Variants in KHDRBS2 observed in about 807,000 individuals in gnomAD.
KHDRBS2 encodes KH domain-containing, RNA-binding, signal transduction-associated protein 2.
A neutral mutation model predicts 44.3 loss-of-function variants in KHDRBS2; 26 were observed. That is an observed-to-expected ratio of 0.59 (90% CI 0.43 to 0.81). The LOEUF (loss-of-function observed/expected upper bound fraction) is 0.81, where lower values mean the gene tolerates loss of function less well. Among genes scored for constraint, KHDRBS2 ranks in the 40% least tolerant of loss-of-function variants. KHDRBS2 has a pLI of 0.00. For missense variants in KHDRBS2, 476 were observed against 433.1 expected, an observed-to-expected ratio of 1.10 and a Z score of -0.88; for synonymous variants, 194 against 151.1, an observed-to-expected ratio of 1.28 and a Z score of -2.08.
chr6:61,648,443 T>A, the KHDRBS2 span, among the ~76,000 whole-genome samples: 1 of 152,154 alleles, frequency 6.6e-6, no homozygotes, highest in African/African-American at 2.4e-5. Context: ...CACTACATTA[T>A]CATCATGAGC....
chr6:61,791,132 C>A (rs1263892028), intron 6 of KHDRBS2, among the ~76,000 whole-genome samples: 2 of 151,086 alleles, frequency 1.3e-5, no homozygotes, highest in African/African-American at 4.8e-5. Context: ...TGAGTTTTCC[C>A]TTTTTTTATT....
chr6:61,672,186 T>G, the KHDRBS2 span, among the ~76,000 whole-genome samples: 218 of 149,724 alleles, frequency 1.5e-3, no homozygotes, highest in Middle Eastern at 6.8e-3. Context: ...CATCATTTTT[T>G]ATGGCTGCAT....
chr6:62,277,508 A>T (rs1270995812), intron 1 of KHDRBS2, among the ~76,000 whole-genome samples: 1 of 151,682 alleles, frequency 6.6e-6, no homozygotes, highest in African/African-American at 2.4e-5. Flanking sequence ...CGCCTGGCTA[A>T]TTTTTTTGTA....
intron 6 of KHDRBS2, among the ~76,000 whole-genome samples, chr6:61,861,960 A>G (rs950418125): frequency 1.3e-5 from 2 of 151,860 alleles, no homozygotes; most frequent in Non-Finnish European, 1.5e-5. Context: ...TAGGTATTTT[A>G]TTCTTTTTGT....
chr6:61,739,027 G>A (rs111731026), intron 6 of KHDRBS2, among the ~76,000 whole-genome samples: 3 of 151,814 alleles, frequency 2.0e-5, no homozygotes, highest in Non-Finnish European at 2.9e-5. Context: ...TTGTATGCAC[G>A]TGTGTCTATG....
intron 3 of KHDRBS2, among the ~76,000 whole-genome samples, chr6:62,026,520 C>A (rs938603102): frequency 2.0e-5 from 3 of 151,506 alleles, no homozygotes; most frequent in African/African-American, 7.3e-5. Flanking sequence ...TTAGCCTCAA[C>A]CTCCCAGGCT....
the KHDRBS2 span, among the ~76,000 whole-genome samples, chr6:61,548,525 A>G: frequency 6.6e-6 from 1 of 152,192 alleles, no homozygotes; most frequent in Admixed American, 6.6e-5. Context: ...CTAGCAAGGC[A>G]AACTATTAAT....
chr6:62,156,273 A>G lies in KHDRBS2; in HGVS notation c.219+20912T>C, dbSNP rs191310248. ...TTTCCCAAGTTCTACTAAAGTATGT[A>G]CTTTTTAATGTATTTTGTACTACCT... On this transcript the variant is annotated intron_variant, in intron 2 of 8. Transcript: ENST00000281156. Among the ~76,000 whole-genome samples, 193 of 152,306 alleles carry G rather than the reference A, an allele frequency of 1.3e-3. 1 individual carries two copies. Among genetic ancestry groups the G allele is most frequent in the Middle Eastern group, 3.4e-3 (1 of 294 alleles).
intron 1 of KHDRBS2, among the ~76,000 whole-genome samples, chr6:62,269,595 C>T (rs1839754056): frequency 6.6e-6 from 1 of 151,994 alleles, no homozygotes; most frequent in Non-Finnish European, 1.5e-5. Flanking sequence ...CAAATGTTGG[C>T]AAGGAAATGC....
At chr6:61,544,500 C>T in the KHDRBS2 span, among the ~76,000 whole-genome samples, 25 of 152,170 alleles carry the variant, frequency 1.6e-4, no homozygotes, top group Admixed American at 8.5e-4. Context: ...TAATAAAGGG[C>T]AAAGCAATCT....
chr6:61,608,245 C>A, the KHDRBS2 span, among the ~76,000 whole-genome samples: 1 of 151,550 alleles, frequency 6.6e-6, no homozygotes, highest in Non-Finnish European at 1.5e-5. Flanking sequence ...TATATATATA[C>A]ATATATACAC....
At chr6:61,848,510 T>TATGTATATATGTATATATATATAC (rs1491479304) in intron 6 of KHDRBS2, among the ~76,000 whole-genome samples, 2 of 48,170 alleles carry the variant, frequency 4.2e-5, no homozygotes, top group Non-Finnish European at 7.5e-5. Flanking sequence ...TATATATATA[T>TATGTATATATGTATATATATATAC]GTATATATGT....
intron 4 of KHDRBS2, among the ~76,000 whole-genome samples, chr6:61,962,706 A>G (rs1769015914): frequency 6.6e-6 from 1 of 152,042 alleles, no homozygotes; most frequent in Admixed American, 6.6e-5. Flanking sequence ...TTCATTATCA[A>G]TTTTCATCTT....
chr6:62,142,135 G>T (rs1318570837), intron 2 of KHDRBS2, among the ~76,000 whole-genome samples: 7 of 152,048 alleles, frequency 4.6e-5, no homozygotes, highest in Admixed American at 1.3e-4. Flanking sequence ...GTACTGATGA[G>T]GGCAAGCAAC....
At chr6:61,574,780 G>A in the KHDRBS2 span, among the ~76,000 whole-genome samples, 16 of 152,084 alleles carry the variant, frequency 1.1e-4, no homozygotes, top group Non-Finnish European at 2.2e-4. Flanking sequence ...GTGGTGGCGG[G>A]GGCCCGTAAT....
At chr6:61,921,330 C>G (rs980794409) in intron 4 of KHDRBS2, among the ~76,000 whole-genome samples, 6 of 151,914 alleles carry the variant, frequency 3.9e-5, no homozygotes, top group Non-Finnish European at 7.4e-5. Flanking sequence ...GTAAATTTCT[C>G]TTGCTATTCT....
In KHDRBS2 at chr6:61,972,729, C is replaced by T. The variant is rs995201110; in HGVS notation, c.483+5337G>A. On this transcript the variant is annotated intron_variant, in intron 4 of 8. Coordinates refer to ENST00000281156, the MANE Select transcript of KHDRBS2 (RefSeq NM_152688.4). ...TATTGCTATAAATGTTGAACTCCTGCCGTCAGCCAGTCAAAATGTATCTGC... is the reference window on the plus strand; with the variant it reads ...TATTGCTATAAATGTTGAACTCCTGTCGTCAGCCAGTCAAAATGTATCTGC... Among the ~76,000 whole-genome samples the T allele has an allele frequency of 4.6e-5, 7 of 152,296 alleles. No individual in the cohort carries two copies. The South Asian group carries it at 1.2e-3, about 27-fold the overall frequency.
At position 61,795,038 on chromosome 6, in the gene KHDRBS2, C is replaced by T. The variant is rs1368388613; in HGVS notation, c.811-62274G>A. On this transcript the variant is annotated intron_variant, in intron 6 of 8. Coordinates refer to ENST00000281156, the MANE Select transcript of KHDRBS2 (RefSeq NM_152688.4). Reference sequence around the variant, plus strand: ...CCTGTAATCCTAGCTACTTGGGAGGCTGAGGCAAGAGAATCACTTGAACCC... The same window carrying T: ...CCTGTAATCCTAGCTACTTGGGAGGTTGAGGCAAGAGAATCACTTGAACCC... Among the ~76,000 whole-genome samples the T allele has an allele frequency of 9.6e-5, 14 of 146,376 alleles. No homozygotes were observed. The East Asian group carries it at 2.8e-3, about 29-fold the overall frequency.
intron 4 of KHDRBS2, among the ~76,000 whole-genome samples, chr6:61,939,549 A>AT (rs1811733540): frequency 6.6e-6 from 1 of 152,022 alleles, no homozygotes; most frequent in Non-Finnish European, 1.5e-5. Flanking sequence ...ACAATGGGTA[A>AT]AAAAAACAGA....
Sources: allele counts gnomAD v4.1 joint callset (sites outside exome capture counted in the v4.1 genomes callset), GRCh38; gene constraint gnomAD v4.1.1; transcripts MANE v1.5; gene names NCBI Gene and HGNC (gene_info 2026-07-23, HGNC 2026-07-21).